ST3GAL5: variants seen among roughly 807,000 people sequenced by gnomAD.
ST3GAL5 encodes lactosylceramide alpha-2,3-sialyltransferase.
ST3GAL5 carries 25 observed loss-of-function variants against 46.1 expected under a neutral mutation model. The observed-to-expected ratio is 0.54, with a 90% CI of 0.40 to 0.76. The LOEUF is 0.76. ST3GAL5 is among the 30% of genes least tolerant of loss of function. ST3GAL5 has a pLI of 0.00. For synonymous variants in ST3GAL5, 182 were observed against 192.7 expected (o/e 0.94, Z 0.46); for missense variants, 431 against 521.2 (o/e 0.83, Z 1.69).
Position 85,863,417 on chromosome 2 carries a change from T to C in ST3GAL5, c.151A>G (p.Thr51Ala), listed in dbSNP as rs1344614380. The C allele has an allele frequency of 7.4e-6, 12 of 1,614,204 alleles. No homozygotes were observed. The highest frequency in any genetic ancestry group is 1.0e-5 in the Non-Finnish European group (12 of 1,180,040). The stretch of plus-strand genomic sequence containing the variant: ...CTTCTCATCTTGCTTTGAGCTCGGG[T>C]GTACCATTGCAGGGAAGGCCTCGAG... ...DCSRPSLQWY[T>A]RAQSKMRRPS... is the part of the protein sequence containing the mutation. The change falls in exon 2 of 7, where the codon ACC becomes GCC. Residue 51 changes from threonine to alanine, a missense_variant. By Grantham distance (58) the Thr-to-Ala change is moderately conservative. Transcript: ENST00000638572.
chr2:85,840,892 C>T (rs554969718), intron 6 of ST3GAL5, among the ~76,000 whole-genome samples: 134 of 131,836 alleles, frequency 1.0e-3, no homozygotes, highest in South Asian at 1.5e-3. Context: ...TGCAGTGAGC[C>T]GAGATCGAGC....
At chr2:85,875,088 C>T (rs970182456) in intron 1 of ST3GAL5, among the ~76,000 whole-genome samples, 8 of 152,152 alleles carry the variant, frequency 5.3e-5, no homozygotes, top group Non-Finnish European at 1.0e-4. Flanking sequence ...GAGACAAGGT[C>T]TCGCTCTGTC....
intron 1 of ST3GAL5, among the ~76,000 whole-genome samples, chr2:85,872,971 C>A (rs933495968): frequency 6.6e-6 from 1 of 152,320 alleles, no homozygotes; most frequent in African/African-American, 2.4e-5. Context: ...ACTACAGCAG[C>A]GGCATGGGGC....
At chr2:85,852,639 AGC>A (rs1426196800) in intron 3 of ST3GAL5, among the ~76,000 whole-genome samples, 1 of 152,174 alleles carries the variant, frequency 6.6e-6, no homozygotes, top group Non-Finnish European at 1.5e-5. Context: ...AATGTGCTAA[AGC>A]GGGATTGTGG....
chr2:85,841,137 C>T (rs1255039025), intron 6 of ST3GAL5, among the ~76,000 whole-genome samples: 2 of 151,726 alleles, frequency 1.3e-5, no homozygotes, highest in Non-Finnish European at 2.9e-5. Context: ...TCCCAGGGCA[C>T]AGTTTCTGGA....
intron 1 of ST3GAL5, among the ~76,000 whole-genome samples, chr2:85,874,682 G>A (rs1469796824): frequency 1.3e-5 from 2 of 152,008 alleles, no homozygotes; most frequent in African/African-American, 2.4e-5. Flanking sequence ...CTTAGGGACT[G>A]TGTCCATTTT....
chr2:85,861,404 T>A, intron 2 of ST3GAL5, 112 bp from the exon 3 acceptor site: 1 of 744,560 alleles, frequency 1.3e-6, no homozygotes. Flanking sequence ...AGCATAAAAC[T>A]ACAATCTTTA....
chr2:85,864,710 T>C (rs1460081782), intron 1 of ST3GAL5, among the ~76,000 whole-genome samples: 11 of 152,360 alleles, frequency 7.2e-5, no homozygotes, highest in Non-Finnish European at 1.3e-4. Context: ...CTAAATAATA[T>C]TCCAATAGTA....
chr2:85,855,110 C>G (rs548829339), intron 3 of ST3GAL5: 1 of 152,264 alleles, frequency 6.6e-6, no homozygotes, highest in Non-Finnish European at 1.5e-5. Flanking sequence ...TTTGTCCCCA[C>G]CCAAATCTCA....
chr2:85,861,163 AC>A lies in ST3GAL5; in HGVS notation c.318+17del. 6.7e-7 allele frequency: 1 copy of A among 1,481,690 alleles called. No individual in the cohort carries two copies. The highest frequency in any genetic ancestry group is 9.4e-7 in the Non-Finnish European group (1 of 1,060,284). 91.8% of individuals were successfully genotyped at this position (1,481,690 alleles called of 1,614,324 possible). A position where few individuals can be genotyped will look rare whatever the true frequency, so the allele number is the denominator to read the frequency against. ...TTGGCAATGTTTTCATTTAAACCAC[AC>A]CAATGGGATATCTAACCTTTACATG... On this transcript the variant is annotated intron_variant, in intron 3 of 6. Transcript: ENST00000638572.
rs1025602196 is a variant in ST3GAL5 at position 85,851,830 on chromosome 2, C to A, written c.319-3626G>T. On this transcript the variant is annotated intron_variant, in intron 3 of 6. Coordinates refer to ENST00000638572, the MANE Select transcript of ST3GAL5 (RefSeq NM_003896.4). Reference sequence around the variant, plus strand: ...GATGAGGCTCACTGGAAGCCAGGAGCTGGTGACTCTCTCGTAAAATACAAG... The same window carrying A: ...GATGAGGCTCACTGGAAGCCAGGAGATGGTGACTCTCTCGTAAAATACAAG... 4.0e-5 allele frequency: 26 copies of A among 649,704 alleles called. No homozygotes were observed. The Admixed American group carries it at 8.3e-4, about 21-fold the overall frequency. 40.2% of individuals were successfully genotyped at this position (649,704 alleles called of 1,614,324 possible).
intron 2 of ST3GAL5, among the ~76,000 whole-genome samples, 161 bp downstream of exon 2, chr2:85,863,201 T>C (rs766951407): frequency 1.3e-5 from 2 of 152,174 alleles, no homozygotes; most frequent in African/African-American, 2.4e-5. Flanking sequence ...GGCTGTGCAC[T>C]CAGTCTTTAC....
intron 1 of ST3GAL5, among the ~76,000 whole-genome samples, chr2:85,885,751 G>A (rs950432967): frequency 6.6e-6 from 1 of 151,878 alleles, no homozygotes; most frequent in Non-Finnish European, 1.5e-5. Flanking sequence ...CGTGAACCCC[G>A]GAGGCGGAGC....
At chr2:85,846,089 G>C in intron 5 of ST3GAL5, 1 of 361,476 alleles carries the variant, frequency 2.8e-6, no homozygotes, top group Non-Finnish European at 5.2e-6. Context: ...CTAGCTACTC[G>C]GGAGGCTGAG....
chr2:85,864,639 AAT>A (rs953904923), intron 1 of ST3GAL5, among the ~76,000 whole-genome samples: 23 of 152,228 alleles, frequency 1.5e-4, no homozygotes, highest in African/African-American at 5.5e-4. Flanking sequence ...TTTCTTAAAA[AAT>A]ATGTTGTGTG....
At chr2:85,846,606 C>T in intron 4 of ST3GAL5, 43 bp from the exon 5 acceptor site, 1 of 1,588,616 alleles carries the variant, frequency 6.3e-7, no homozygotes, top group Non-Finnish European at 8.6e-7. Flanking sequence ...CAAAGCAGGC[C>T]ATCAACCATC....
In ST3GAL5 at chr2:85,882,788, G is replaced by A. The variant is rs573885844; in HGVS notation, c.82+6036C>T. On this transcript the variant is annotated intron_variant, in intron 1 of 6. Coordinates refer to ENST00000638572, the MANE Select transcript of ST3GAL5 (RefSeq NM_003896.4). ...GCGGAGGTTGCAGTGAGCTGAGATCGCACGCCATTGCACTCCAGCCTGTGC... is the reference window on the plus strand; with the variant it reads ...GCGGAGGTTGCAGTGAGCTGAGATCACACGCCATTGCACTCCAGCCTGTGC... Among the ~76,000 whole-genome samples, 10 of 141,946 alleles carry A rather than the reference G, an allele frequency of 7.0e-5. No individual in the cohort carries two copies. The East Asian group carries it at 8.7e-4, about 12-fold the overall frequency. The allele number at this position is 141,946 out of a possible 152,430, so 93.1% of individuals were successfully genotyped here. A position where few individuals can be genotyped will look rare whatever the true frequency, so the allele number is the denominator to read the frequency against.
In ST3GAL5 at chr2:85,888,979, GC is replaced by G. The variant is rs1374814066; in HGVS notation, c.-75del. ...CACCCGCCCCCAGCGCCGCTCTCGC[GC>G]CCATTCAGCTGGGGGCCGCCGCTCC... On this transcript the variant is annotated 5_prime_UTR_variant, in exon 1 of 7. An upstream open reading frame in the 5' UTR loses its in-frame stop. Transcript: ENST00000638572. 7 of 1,155,958 alleles carry G rather than the reference GC, an allele frequency of 6.1e-6. No individual in the cohort carries two copies. The African/African-American group carries it at 8.2e-5, about 13-fold the overall frequency. The allele number at this position is 1,155,958 out of a possible 1,614,324, so 71.6% of individuals were successfully genotyped here.
At chr2:85,878,926 G>A (rs1327738367) in intron 1 of ST3GAL5, among the ~76,000 whole-genome samples, 1 of 152,206 alleles carries the variant, frequency 6.6e-6, no homozygotes, top group Non-Finnish European at 1.5e-5. Context: ...ACAGGACAGA[G>A]AGAGGAGGCG....
Sources: gnomAD v4.1 joint callset for allele counts (sites outside exome capture counted in the v4.1 genomes callset) on GRCh38, gnomAD v4.1.1 for gene constraint, MANE v1.5 for transcripts, NCBI Gene and HGNC (gene_info 2026-07-23, HGNC 2026-07-21) for gene names.